Variants in C11orf65 observed in about 807,000 individuals in gnomAD.
The protein encoded by C11orf65 is chromosome 11 open reading frame 65, also known as protein MFI.
In C11orf65, 38 loss-of-function variants were observed where a neutral mutation model predicts 35.3. The ratio of observed to expected loss-of-function variants is 1.08; its 90% confidence interval spans 0.83 to 1.41. C11orf65 has a LOEUF of 1.41. Among genes scored for constraint, C11orf65 ranks in the 40% most tolerant of loss-of-function variants. The pLI is 0.00. For missense variants in C11orf65, 370 were observed against 367.1 expected, an observed-to-expected ratio of 1.01 and a Z score of -0.06; for synonymous variants, 105 against 114.4, an observed-to-expected ratio of 0.92 and a Z score of 0.53.
At chr11:108,408,400 C>T (rs919956946) in intron 3 of C11orf65, among the ~76,000 whole-genome samples, 2 of 152,004 alleles carry the variant, frequency 1.3e-5, no homozygotes, top group African/African-American at 4.8e-5. Flanking sequence ...CTGGGCCGGG[C>T]GTGGTGGCTC....
intron 6 of C11orf65, among the ~76,000 whole-genome samples, chr11:108,324,805 A>C (rs1225429501): frequency 6.6e-6 from 1 of 152,164 alleles, no homozygotes; most frequent in African/African-American, 2.4e-5. Flanking sequence ...TCCTTTAATA[A>C]TGTTGGTAAA....
chr11:108,353,212 G>A (rs752737346), intron 2 of C11orf65, among the ~76,000 whole-genome samples: 4 of 151,674 alleles, frequency 2.6e-5, no homozygotes, highest in Non-Finnish European at 5.9e-5. Context: ...GCAATGGCAC[G>A]ATCTCAGCTC....
chr11:108,388,544 T>C lies in C11orf65; in HGVS notation c.732-2569A>G, dbSNP rs533669019. Among the ~76,000 whole-genome samples, 3 of 152,256 alleles carry C rather than the reference T, an allele frequency of 2.0e-5. No homozygotes were observed. The South Asian group carries it at 6.2e-4, about 32-fold the overall frequency. ...CAGAGAGGTCACAAAACTACATATC[T>C]TAGAAATCAAAGGAGCAGCTTCAGA... On this transcript the variant is annotated intron_variant, in intron 7 of 8. Coordinates refer to ENST00000393084, the MANE Select transcript of C11orf65 (RefSeq NM_152587.5).
intron 2 of C11orf65, among the ~76,000 whole-genome samples, chr11:108,360,821 C>G (rs2090640702): frequency 9.7e-6 from 1 of 102,872 alleles, no homozygotes; most frequent in Non-Finnish European, 1.9e-5. Context: ...CTATCTATGA[C>G]AAACCCAGAG....
chr11:108,312,998 ATCT>A (rs2084307495), intron 6 of C11orf65, among the ~76,000 whole-genome samples: 1 of 152,088 alleles, frequency 6.6e-6, no homozygotes, highest in African/African-American at 2.4e-5. Context: ...TAAACCTCTC[ATCT>A]TCTCTTCTAT....
chr11:108,382,920 A>G lies in C11orf65; in HGVS notation c.*101T>C. On this transcript the variant is annotated 3_prime_UTR_variant, in exon 9 of 9. Coordinates refer to ENST00000393084, the MANE Select transcript of C11orf65 (RefSeq NM_152587.5). ...AACTGAGCTAGATTCTGTGCCCAGAATATATACACAAGTTATTCCAGTCAG... is the reference window on the plus strand; with the variant it reads ...AACTGAGCTAGATTCTGTGCCCAGAGTATATACACAAGTTATTCCAGTCAG... The G allele has an allele frequency of 6.4e-7, 1 of 1,565,020 alleles. No individual in the cohort carries two copies. Among genetic ancestry groups the G allele is most frequent in the Non-Finnish European group, 8.6e-7 (1 of 1,165,886 alleles).
Position 108,430,295 on chromosome 11 carries a change from ATT to A in C11orf65, c.174+1449_174+1450del, listed in dbSNP as rs34278416. ...AGGCACCTGCCACCACGCCTGGCTA[ATT>A]TTTTTTTTTTTTTTTGTATTTTTAG... is the stretch of plus-strand genomic sequence containing the variant. On this transcript the variant is annotated intron_variant, in intron 3 of 8. Coordinates refer to ENST00000393084, the MANE Select transcript of C11orf65 (RefSeq NM_152587.5). 3.0e-3 allele frequency among the ~76,000 whole-genome samples: 381 copies of A among 125,774 alleles called. 4 individuals are homozygous for A. Among genetic ancestry groups the A allele is most frequent in the Middle Eastern group, 3.9e-3 (1 of 258 alleles). The allele number at this position is 125,774 out of a possible 152,430, so 82.5% of individuals were successfully genotyped here.
intron 3 of C11orf65, among the ~76,000 whole-genome samples, chr11:108,407,955 A>C (rs1447394407): frequency 6.8e-6 from 1 of 147,160 alleles, no homozygotes; most frequent in Non-Finnish European, 1.5e-5. Context: ...AAAAAAAAGA[A>C]AAGAAAAGAA....
chr11:108,350,372 A>T (rs419716), intron 2 of C11orf65, among the ~76,000 whole-genome samples: 4 of 151,850 alleles, frequency 2.6e-5, no homozygotes, highest in Admixed American at 6.6e-5. Context: ...TAGAAATCTC[A>T]GTCAAATTTG....
chr11:108,412,326 G>T (rs141684493), intron 3 of C11orf65, among the ~76,000 whole-genome samples: 1 of 151,594 alleles, frequency 6.6e-6, no homozygotes, highest in African/African-American at 2.4e-5. Flanking sequence ...AAAAACAATG[G>T]CAACAAACAG....
intron 2 of C11orf65, among the ~76,000 whole-genome samples, chr11:108,452,495 A>T (rs2093361477): frequency 6.6e-6 from 1 of 152,204 alleles, no homozygotes; most frequent in African/African-American, 2.4e-5. Flanking sequence ...AAAAGTCAGG[A>T]AACAACAGGT....
chr11:108,329,118 C>T (rs370559102), downstream of C11orf65: 2 of 1,614,036 alleles, frequency 1.2e-6, no homozygotes, highest in Non-Finnish European at 1.7e-6. Flanking sequence ...TTTTCAGATA[C>T]TCAATACCAA....
chr11:108,418,416 TTAAA>T (rs1255896976), intron 3 of C11orf65, among the ~76,000 whole-genome samples: 4 of 152,072 alleles, frequency 2.6e-5, no homozygotes, highest in African/African-American at 4.8e-5. Flanking sequence ...AATTTCCAAA[TTAAA>T]TAACTGAAAT....
At chr11:108,397,049 GGTGGCTCAC>G (rs1482256641) in intron 6 of C11orf65, among the ~76,000 whole-genome samples, 1 of 151,910 alleles carries the variant, frequency 6.6e-6, no homozygotes, top group African/African-American at 2.4e-5. Context: ...TGGCTAGGGT[GGTGGCTCAC>G]GCCTGTAATC....
chr11:108,408,927 A>G (rs913312877), intron 3 of C11orf65, among the ~76,000 whole-genome samples: 11 of 152,104 alleles, frequency 7.2e-5, no homozygotes, highest in African/African-American at 2.4e-4. Flanking sequence ...ATTTTGCAGA[A>G]TAATCTTCTC....
Position 108,368,601 on chromosome 11 carries a change from C to T in C11orf65, c.226+24607G>A, listed in dbSNP as rs79807288. 2,029 of 217,188 alleles carry T rather than the reference C, an allele frequency of 9.3e-3. 49 individuals are homozygous for T. Among genetic ancestry groups the T allele is most frequent in the African/African-American group, 0.042 (1,855 of 44,484 alleles). 13.5% of individuals were successfully genotyped at this position (217,188 alleles called of 1,614,324 possible). ...GTATCTAACTTGAAAAGATTTCAGG[C>T]GAAAAGAATCTGGGGTTTGCCAGTC... On this transcript the variant is annotated intron_variant, in intron 2 of 3. Coordinates refer to the C11orf65 transcript ENST00000524755.
At chr11:108,330,461 A>G (rs759477896), downstream of C11orf65, 16 of 1,600,046 alleles carry the variant, frequency 1.0e-5, no homozygotes, top group Admixed American at 2.7e-4. Flanking sequence ...CTGTGCTTGA[A>G]AAACTTAGAC....
chr11:108,437,211 C>T (rs558803489), intron 2 of C11orf65, among the ~76,000 whole-genome samples: 1 of 151,818 alleles, frequency 6.6e-6, no homozygotes, highest in South Asian at 2.1e-4. Flanking sequence ...CACTTGAGCT[C>T]AGGAATTCGA....
At chr11:108,463,035 A>G (rs1409420894) in intron 1 of C11orf65, among the ~76,000 whole-genome samples, 1 of 152,186 alleles carries the variant, frequency 6.6e-6, no homozygotes, top group Non-Finnish European at 1.5e-5. Flanking sequence ...CTGAAACAGG[A>G]GGATGGCTTG....
Sources: allele counts gnomAD v4.1 joint callset (sites outside exome capture counted in the v4.1 genomes callset), GRCh38; gene constraint gnomAD v4.1.1; transcripts MANE v1.5; gene names NCBI Gene and HGNC (gene_info 2026-07-23, HGNC 2026-07-21).